RHOT2: variants seen among roughly 807,000 people sequenced by gnomAD.
RHOT2 encodes ras homolog family member T2.
RHOT2 carries 90 observed loss-of-function variants against 81.6 expected under a neutral mutation model. The ratio of observed to expected loss-of-function variants is 1.10; its 90% CI spans 0.93 to 1.31. The LOEUF is 1.31. Ranked by LOEUF, RHOT2 falls within the 40% of genes most tolerant of loss-of-function variation. The pLI is 0.00. For missense variants in RHOT2, 1,014 were observed against 841.9 expected, an observed-to-expected ratio of 1.20 and a Z score of -2.53; for synonymous variants, 512 against 370.9, an observed-to-expected ratio of 1.38 and a Z score of -4.37.
Position 669,722 on chromosome 16 carries a change from C to T in RHOT2, c.276+116C>T, listed in dbSNP as rs560563190. The T allele has an allele frequency of 9.8e-5, 104 of 1,062,416 alleles. No individual in the cohort carries two copies. The African/African-American group carries it at 1.1e-3, about 12-fold the overall frequency. The allele number at this position is 1,062,416 out of a possible 1,614,324, so 65.8% of individuals were successfully genotyped here. A position where few individuals can be genotyped will look rare whatever the true frequency, so the allele number is the denominator to read the frequency against. ...GCTCACAGCATTTTGGGGAGCCTGA[C>T]GTGGAGTTGCCTGACGTGGAGTCAC... On this transcript the variant is annotated intron_variant, in intron 5 of 18. Transcript: ENST00000315082.
chr16:672,424 GGGGCA>G (rs775173381), intron 15 of RHOT2, 40 bp downstream of exon 15: 4 of 1,607,426 alleles, frequency 2.5e-6, no homozygotes, highest in Non-Finnish European at 3.4e-6. Context: ...AGGGGCTCCA[GGGGCA>G]GGGCAGGGCA....
chr16:670,517 T>G lies in RHOT2; in HGVS notation c.500T>G (p.Leu167Arg), dbSNP rs201427799. Reference sequence around the variant, plus strand: ...TTCTACTACGCCCAGAAGGCCGTCCTGCATCCCACAGCCCCCCTCTATGAC... The same window carrying G: ...TTCTACTACGCCCAGAAGGCCGTCCGGCATCCCACAGCCCCCCTCTATGAC... ...ELFYYAQKAV[L>R]HPTAPLYDPE... Residue 167 changes from leucine (L) to arginine (R), a missense_variant, in exon 8 of 19, where the codon CTG (leucine) becomes CGG (arginine). Leu to Arg is a moderately radical substitution (Grantham distance 102). Transcript: ENST00000315082. 1.7e-4 allele frequency: 279 copies of G among 1,608,500 alleles called. No homozygotes were observed. Among genetic ancestry groups the G allele is most frequent in the Non-Finnish European group, 2.0e-4 (232 of 1,177,644 alleles).
chr16:671,419 G>T, intron 11 of RHOT2: 4 of 610,728 alleles, frequency 6.5e-6, no homozygotes, highest in Non-Finnish European at 8.3e-6. Flanking sequence ...GGGGTGGGGG[G>T]GCTGGCCCTT....
rs1437494101 is a variant in RHOT2, at chr16:673,681, T to G, written c.*75T>G. 1 of 1,535,128 alleles carries G rather than the reference T, an allele frequency of 6.5e-7. No individual in the cohort carries two copies. Among genetic ancestry groups the G allele is most frequent in the East Asian group, 2.3e-5 (1 of 44,052 alleles). ...TGGGGCTCTGCAGGGGCAGCACAGC[T>G]GGGGTGCAGGCCAGGCTGCCACTCC... On this transcript the variant is annotated 3_prime_UTR_variant, in exon 19 of 19. Coordinates refer to ENST00000315082, the MANE Select transcript of RHOT2 (RefSeq NM_138769.3).
chr16:669,853 C>CG lies in RHOT2; in HGVS notation c.276+255dup, dbSNP rs139943560. On this transcript the variant is annotated intron_variant, in intron 5 of 18. Coordinates refer to ENST00000315082, the MANE Select transcript of RHOT2 (RefSeq NM_138769.3). ...CTTTCTTCCCCAGTTTCCAAACCCCCGGGGGGGGACCCGCAGAGGGCCTGC... is the reference window on the plus strand; with the variant it reads ...CTTTCTTCCCCAGTTTCCAAACCCCCGGGGGGGGGACCCGCAGAGGGCCTGC... 4,726 of 612,092 alleles carry CG rather than the reference C, an allele frequency of 7.7e-3. 21 individuals are homozygous for CG. The highest frequency in any genetic ancestry group is 0.011 in the Non-Finnish European group (3,766 of 348,484). The allele number at this position is 612,092 out of a possible 1,614,324, so 37.9% of individuals were successfully genotyped here.
chr16:670,651 G>T, intron 8 of RHOT2, 24 bp from the exon 9 acceptor site: 1 of 1,610,178 alleles, frequency 6.2e-7, no homozygotes, highest in Non-Finnish European at 8.5e-7. Flanking sequence ...GTCACCTGAG[G>T]GTGCTGAGCC....
intron 18 of RHOT2, 95 bp from the exon 19 acceptor site, chr16:673,385 G>T (rs1164579995): frequency 6.4e-7 from 1 of 1,571,680 alleles, no homozygotes; most frequent in African/African-American, 1.4e-5. Context: ...ATCCCCGCCT[G>T]TGGGGCCCTG....
chr16:672,496 A>G lies in RHOT2; in HGVS notation c.1334A>G (p.Asp445Gly). 2 of 1,612,524 alleles carry G rather than the reference A, an allele frequency of 1.2e-6. No individual in the cohort carries two copies. Among genetic ancestry groups the G allele is most frequent in the Non-Finnish European group, 8.5e-7 (1 of 1,179,882 alleles). Reference protein sequence around the residue: ...AFLGRGLGHQDTREQPPGYAI... With the variant: ...AFLGRGLGHQGTREQPPGYAI... ...GGACTTCACCTCCCTCAGCACCAGG[A>G]CACGAGGGAGCAGCCTCCCGGCTAC... is the stretch of plus-strand genomic sequence containing the variant. Residue 445 changes from aspartate (D) to glycine (G), a missense_variant, in exon 16 of 19, where the codon GAC becomes GGC. Asp to Gly is a moderately conservative substitution (Grantham distance 94, BLOSUM62 -1). Coordinates refer to ENST00000315082, the MANE Select transcript of RHOT2 (RefSeq NM_138769.3).
In RHOT2 at chr16:672,549, CAGG is replaced by C. The variant is rs759582425; in HGVS notation, c.1390_1392del (p.Glu464del). The C allele has an allele frequency of 3.7e-6, 6 of 1,612,434 alleles. No homozygotes were observed. The highest frequency in any genetic ancestry group is 5.1e-6 in the Non-Finnish European group (6 of 1,179,860). ...CATCGACACGGTGCAGGTCAATGGA[CAGG>C]AGAAGTACTTGATCGTGAGTGCTGG... is the stretch of plus-strand genomic sequence containing the variant. On this transcript the variant is annotated inframe_deletion, in exon 16 of 19. Transcript: ENST00000315082.
At position 672,403 on chromosome 16, in the gene RHOT2, C is replaced by A. The variant is rs200019785; in HGVS notation, c.1326+19C>A. ...CCTGGGGGTAAGCACCCTAGACTCC[C>A]CCACCACCCCAGGGGCTCCAGGGGC... On this transcript the variant is annotated intron_variant, in intron 15 of 18. Transcript: ENST00000315082. 1.9e-6 allele frequency: 3 copies of A among 1,607,380 alleles called. No individual in the cohort carries two copies. The highest frequency in any genetic ancestry group is 1.3e-5 in the African/African-American group (1 of 74,750).
At chr16:671,650 T>C (rs769716112) in intron 11 of RHOT2, 47 bp from the exon 12 acceptor site, 2 of 1,577,878 alleles carry the variant, frequency 1.3e-6, no homozygotes, top group Admixed American at 3.4e-5. Context: ...CTGAGCGTGG[T>C]GCTGCAGAGT....
chr16:670,417 C>T (rs2038723495), intron 7 of RHOT2, 39 bp from the exon 8 acceptor site: 6 of 1,606,844 alleles, frequency 3.7e-6, no homozygotes, highest in Middle Eastern at 3.3e-4. Flanking sequence ...TCGGTGCCCT[C>T]CTCGGGGCAC....
In RHOT2 at chr16:668,176, G is replaced by T. The variant is rs1179616988; in HGVS notation, c.-24G>T. On this transcript the variant is annotated 5_prime_UTR_variant, in exon 1 of 19. Coordinates refer to ENST00000315082, the MANE Select transcript of RHOT2 (RefSeq NM_138769.3). Reference sequence around the variant, plus strand: ...CCAGGTCGGGGCCGGGTTCCGGGTCGGGGAGCGGCTCCGGGCGGCAGCTAT... The same window carrying T: ...CCAGGTCGGGGCCGGGTTCCGGGTCTGGGAGCGGCTCCGGGCGGCAGCTAT... The T allele has an allele frequency of 4.4e-6, 2 of 458,282 alleles. No individual in the cohort carries two copies. The highest frequency in any genetic ancestry group is 7.6e-6 in the Non-Finnish European group (2 of 264,252). 28.4% of individuals were successfully genotyped at this position (458,282 alleles called of 1,614,324 possible).
Position 673,139 on chromosome 16 carries a change from C to A in RHOT2, c.1730+9C>A, listed in dbSNP as rs1596530474. The A allele has an allele frequency of 6.2e-7, 1 of 1,609,636 alleles. No individual in the cohort carries two copies. Among genetic ancestry groups the A allele is most frequent in the Non-Finnish European group, 8.5e-7 (1 of 1,179,620 alleles). On this transcript the variant is annotated intron_variant, in intron 18 of 18. Coordinates refer to ENST00000315082, the MANE Select transcript of RHOT2 (RefSeq NM_138769.3). ...ACCATGGCCGCCTTCCCGTGGGTACCCAGTAGCGCAGCCCTGGGGACTAGC... is the reference window on the plus strand; with the variant it reads ...ACCATGGCCGCCTTCCCGTGGGTACACAGTAGCGCAGCCCTGGGGACTAGC...
rs1486420335 is a variant in RHOT2, at chr16:672,983, T to C, written c.1583T>C (p.Leu528Pro). 3 of 1,612,776 alleles carry C rather than the reference T, an allele frequency of 1.9e-6. No homozygotes were observed. The highest frequency in any genetic ancestry group is 3.3e-5 in the Admixed American group (2 of 60,032). The change falls in exon 18 of 19, where the codon CTG (leucine) becomes CCG (proline). Residue 528 changes from leucine to proline, a missense_variant. By Grantham distance (98) the Leu-to-Pro change is moderately conservative. Coordinates refer to ENST00000315082, the MANE Select transcript of RHOT2 (RefSeq NM_138769.3). ...CTCTTTGTCTCCTCCAAGGCCGACCTGCCCGAAGGTGTCGCGGTGTCTGGC... is the reference window on the plus strand; with the variant it reads ...CTCTTTGTCTCCTCCAAGGCCGACCCGCCCGAAGGTGTCGCGGTGTCTGGC... ...PCLFVSSKAD[L>P]PEGVAVSGPS...
At chr16:668,124 G>A (rs980339353), upstream of RHOT2, 4 of 417,344 alleles carry the variant, frequency 9.6e-6, no homozygotes, top group Non-Finnish European at 1.7e-5. Context: ...CGGGGCGGGC[G>A]CGGGGGCAGA....
At chr16:669,385 C>A (rs540677456) in intron 4 of RHOT2, 168 bp from the exon 5 acceptor site, 4 of 653,370 alleles carry the variant, frequency 6.1e-6, no homozygotes, top group Non-Finnish European at 1.1e-5. Flanking sequence ...CAACACCAGG[C>A]TGGAGGCAGG....
chr16:672,161 A>G lies in RHOT2; in HGVS notation c.1175A>G (p.Asp392Gly). ...GGCTACCCCACCCTCTGTGAGCAGGACCAGGCCCATGCCATCACAGGTAGG... is the reference window on the plus strand; with the variant it reads ...GGCTACCCCACCCTCTGTGAGCAGGGCCAGGCCCATGCCATCACAGGTAGG... Reference protein sequence around the residue: ...YLGYPTLCEQDQAHAITVTRE... With the variant: ...YLGYPTLCEQGQAHAITVTRE... The change falls in exon 14 of 19, where the codon GAC (aspartate) becomes GGC (glycine). Residue 392 changes from aspartate to glycine, a missense_variant. Coordinates refer to ENST00000315082, the MANE Select transcript of RHOT2 (RefSeq NM_138769.3). The G allele has an allele frequency of 3.1e-6, 5 of 1,612,622 alleles. No individual in the cohort carries two copies. Among genetic ancestry groups the G allele is most frequent in the Non-Finnish European group, 4.2e-6 (5 of 1,179,946 alleles).
intron 6 of RHOT2, 31 bp downstream of exon 6, chr16:670,206 C>A: frequency 1.9e-6 from 3 of 1,610,904 alleles, no homozygotes; most frequent in Non-Finnish European, 2.5e-6. Flanking sequence ...GGGCTGGGAC[C>A]CCTGGCTCCC....
Sources: allele counts gnomAD v4.1 joint callset, GRCh38; gene constraint gnomAD v4.1.1; transcripts MANE v1.5; gene names NCBI Gene and HGNC (gene_info 2026-07-23, HGNC 2026-07-21).